Variants in SLC17A1 observed in about 807,000 individuals in gnomAD.
The protein encoded by SLC17A1 is sodium-dependent phosphate transport protein 1.
In SLC17A1, 51 loss-of-function variants were observed where a neutral mutation model predicts 53.5. The ratio of observed to expected loss-of-function variants is 0.95; its 90% CI spans 0.76 to 1.20. The LOEUF (loss-of-function observed/expected upper bound fraction) is 1.20, where lower values mean the gene tolerates loss of function less well. SLC17A1 is among the 50% of genes most tolerant of loss of function. The pLI is 0.00. For missense variants in SLC17A1, 538 were observed against 568.2 expected (o/e 0.95, Z 0.54); for synonymous variants, 179 against 198.8 (o/e 0.90, Z 0.84).
intron 10 of SLC17A1, among the ~76,000 whole-genome samples, chr6:25,804,262 G>A (rs1176722830): frequency 6.6e-6 from 1 of 152,054 alleles, no homozygotes; most frequent in East Asian, 1.9e-4. Flanking sequence ...GAAAACAACT[G>A]TCAGCCAAGA....
chr6:25,733,808 G>GTA, the SLC17A1 span, among the ~76,000 whole-genome samples: 3,680 of 50,962 alleles, frequency 0.072, 103 homozygotes, highest in African/African-American at 0.18. Context: ...GTGTGTGTAT[G>GTA]TGTGTGTGTG....
intron 12 of SLC17A1, among the ~76,000 whole-genome samples, chr6:25,788,831 A>G (rs1763439931): frequency 6.6e-6 from 1 of 152,198 alleles, no homozygotes; most frequent in Non-Finnish European, 1.5e-5. Context: ...GACAAAGTAA[A>G]TACAAACATT....
chr6:25,767,542 G>A, the SLC17A1 span, among the ~76,000 whole-genome samples: 1 of 152,196 alleles, frequency 6.6e-6, no homozygotes, highest in East Asian at 1.9e-4. Context: ...TGGAATGCAG[G>A]TGTCTGATTC....
chr6:25,790,779 C>T (rs1274673280), intron 12 of SLC17A1, among the ~76,000 whole-genome samples: 1 of 152,136 alleles, frequency 6.6e-6, no homozygotes, highest in African/African-American at 2.4e-5. Context: ...TGCCTAGAGG[C>T]TGTGCAATTA....
At chr6:25,785,114 C>A (rs1441257511) in intron 12 of SLC17A1, among the ~76,000 whole-genome samples, 1 of 151,872 alleles carries the variant, frequency 6.6e-6, no homozygotes, top group African/African-American at 2.4e-5. Context: ...TTGCAATGAG[C>A]CATCCAAAAA....
intron 10 of SLC17A1, among the ~76,000 whole-genome samples, chr6:25,808,990 A>G (rs9467606): frequency 0.068 from 10,389 of 152,140 alleles, 393 homozygotes; most frequent in Non-Finnish European, 0.087. Context: ...TAGCAAAGAC[A>G]TCAGCCTAAG....
chr6:25,811,398 C>G lies in SLC17A1; in HGVS notation c.1178G>C (p.Arg393Thr), dbSNP rs763715410. 1 of 1,608,200 alleles carries G rather than the reference C, an allele frequency of 6.2e-7. No homozygotes were observed. The highest frequency in any genetic ancestry group is 2.2e-5 in the East Asian group (1 of 44,776). Residue 393 changes from arginine (R) to threonine (T), a missense_variant and splice_region_variant, in exon 10 of 13, where the codon AGA becomes ACA. By Grantham distance (71) the Arg-to-Thr change is moderately conservative. Transcript: ENST00000244527. ...AAAAAAGCGTATAAACAAATCCTAC[C>G]TGGGAGCAATATCCAAGCCATTTAT... is the stretch of plus-strand genomic sequence containing the variant. ...VFINGLDIAP[R>T]YFGFIKACST...
At chr6:25,734,719 T>G in the SLC17A1 span, among the ~76,000 whole-genome samples, 1 of 152,250 alleles carries the variant, frequency 6.6e-6, no homozygotes, top group East Asian at 1.9e-4. Flanking sequence ...AAATAAATCT[T>G]AAACTCAGTA....
chr6:25,826,835 T>G (rs1008401732), intron 2 of SLC17A1, among the ~76,000 whole-genome samples: 5 of 152,144 alleles, frequency 3.3e-5, no homozygotes, highest in African/African-American at 1.2e-4. Context: ...AAATTGTATT[T>G]CCAGCTAGAA....
chr6:25,757,854 T>C, the SLC17A1 span, among the ~76,000 whole-genome samples: 1 of 152,238 alleles, frequency 6.6e-6, no homozygotes, highest in Non-Finnish European at 1.5e-5. Flanking sequence ...ATGTGTTCAC[T>C]AACTCAGCAG....
At chr6:25,725,046 CTGT>C in the SLC17A1 span, among the ~76,000 whole-genome samples, 160 of 137,950 alleles carry the variant, frequency 1.2e-3, 2 homozygotes, top group East Asian at 0.013. Flanking sequence ...GTAAGGTCAA[CTGT>C]TGAATATCGT....
At chr6:25,730,504 G>A in the SLC17A1 span, among the ~76,000 whole-genome samples, 1 of 152,172 alleles carries the variant, frequency 6.6e-6, no homozygotes, top group Non-Finnish European at 1.5e-5. Context: ...GAGTTGGGGA[G>A]TGGTGGGAAG....
chr6:25,738,543 A>G, the SLC17A1 span, among the ~76,000 whole-genome samples: 1 of 151,980 alleles, frequency 6.6e-6, no homozygotes, highest in East Asian at 1.9e-4. Context: ...CCAGAAAAGA[A>G]AAAAAAAGTA....
At chr6:25,777,993 G>C (rs762997366), downstream of SLC17A1, 3 of 1,612,390 alleles carry the variant, frequency 1.9e-6, no homozygotes, top group Non-Finnish European at 2.5e-6. Context: ...CTCTCCTACT[G>C]CTGCTGGATT....
At chr6:25,761,839 C>A in the SLC17A1 span, 1 of 706,266 alleles carries the variant, frequency 1.4e-6, no homozygotes, top group Non-Finnish European at 2.3e-6. Flanking sequence ...TCTTATACAG[C>A]AACATTTGCT....
At chr6:25,820,016 G>T in intron 3 of SLC17A1, 101 bp from the exon 4 acceptor site, 1 of 713,762 alleles carries the variant, frequency 1.4e-6, no homozygotes, top group South Asian at 1.8e-5. Context: ...CTCATGGAAA[G>T]TAGCTCCCCT....
the SLC17A1 span, among the ~76,000 whole-genome samples, chr6:25,748,731 G>T: frequency 6.6e-6 from 1 of 152,196 alleles, no homozygotes; most frequent in Non-Finnish European, 1.5e-5. Flanking sequence ...TGGGGAGAAG[G>T]TCAGCAAGAA....
chr6:25,814,990 AAC>A (rs56723023), intron 6 of SLC17A1, among the ~76,000 whole-genome samples: 12,238 of 51,168 alleles, frequency 0.24, 608 homozygotes, highest in Admixed American at 0.33. Flanking sequence ...CTGTCACACA[AAC>A]ACACACACAC....
At chr6:25,726,919 T>C in the SLC17A1 span, 2 of 1,612,088 alleles carry the variant, frequency 1.2e-6, no homozygotes, top group South Asian at 1.1e-5. Context: ...ATGCCGGAGG[T>C]GTCATCTAAA....
Sources: gnomAD v4.1 joint callset for allele counts (sites outside exome capture counted in the v4.1 genomes callset) on GRCh38, gnomAD v4.1.1 for gene constraint, MANE v1.5 for transcripts, NCBI Gene and HGNC (gene_info 2026-07-23, HGNC 2026-07-21) for gene names.